ARHGAP44: variants seen among roughly 807,000 people sequenced by gnomAD.
ARHGAP44 encodes Rho GTPase activating protein 44.
A neutral mutation model predicts 106.8 loss-of-function variants in ARHGAP44; 43 were observed. That is an observed-to-expected ratio of 0.40 (90% CI 0.32 to 0.52). The LOEUF (loss-of-function observed/expected upper bound fraction) is 0.52. Among genes scored for constraint, ARHGAP44 ranks in the 20% least tolerant of loss-of-function variants. ARHGAP44 has a pLI of 0.48. For missense variants in ARHGAP44, 866 were observed against 1,050.5 expected (o/e 0.82, Z 2.43); for synonymous variants, 439 against 410.3 (o/e 1.07, Z -0.85).
intron 1 of ARHGAP44, among the ~76,000 whole-genome samples, chr17:12,880,812 A>T (rs190094580): frequency 4.6e-5 from 7 of 152,270 alleles, no homozygotes; most frequent in African/African-American, 1.4e-4. Context: ...TGTCAGATAT[A>T]CAAAATAATG....
At position 12,893,419 on chromosome 17, in the gene ARHGAP44, A is replaced by G. The variant is rs145976068; in HGVS notation, c.54-1521A>G. On this transcript the variant is annotated intron_variant, in intron 1 of 20. Transcript: ENST00000379672. ...CTAGGACTCCTTTGACACCACACCA[A>G]TGGGAAGGTGAAGAGATGCTTCGTT... 2.1e-3 allele frequency among the ~76,000 whole-genome samples: 318 copies of G among 152,318 alleles called. 1 individual carries two copies. Among genetic ancestry groups the G allele is most frequent in the South Asian group, 8.1e-3 (39 of 4,830 alleles).
chr17:12,967,056 TCTC>T (rs1453773185), intron 16 of ARHGAP44, among the ~76,000 whole-genome samples: 1 of 151,694 alleles, frequency 6.6e-6, no homozygotes, highest in South Asian at 2.1e-4. Context: ...TCTTCTTCCT[TCTC>T]CTCCTCCTTC....
At chr17:12,906,926 C>T (rs1204869897) in intron 3 of ARHGAP44, among the ~76,000 whole-genome samples, 2 of 150,800 alleles carry the variant, frequency 1.3e-5, no homozygotes, top group Non-Finnish European at 2.9e-5. Context: ...GGAGATAGGG[C>T]CAGACCTTGT....
chr17:12,928,296 G>A (rs181435598), intron 6 of ARHGAP44, among the ~76,000 whole-genome samples: 3 of 152,338 alleles, frequency 2.0e-5, no homozygotes, highest in Admixed American at 1.3e-4. Context: ...AAGCCAAGAA[G>A]GTGAGGATTT....
chr17:12,849,997 T>C (rs1020853620), intron 1 of ARHGAP44, among the ~76,000 whole-genome samples: 1 of 152,180 alleles, frequency 6.6e-6, no homozygotes, highest in Non-Finnish European at 1.5e-5. Flanking sequence ...AGATTTCCCT[T>C]ATGCTTCACT....
At chr17:12,793,599 TG>T (rs1398145174) in intron 1 of ARHGAP44, among the ~76,000 whole-genome samples, 1 of 151,760 alleles carries the variant, frequency 6.6e-6, no homozygotes, top group Non-Finnish European at 1.5e-5. Context: ...TCCCAGCTAC[TG>T]GGGAGTCTGA....
chr17:12,909,594 A>G (rs990999813), intron 4 of ARHGAP44, among the ~76,000 whole-genome samples: 1 of 152,196 alleles, frequency 6.6e-6, no homozygotes, highest in Non-Finnish European at 1.5e-5. Context: ...TTATACACAA[A>G]TAAATAATTG....
intron 1 of ARHGAP44, among the ~76,000 whole-genome samples, chr17:12,827,122 C>T (rs1001224222): frequency 6.6e-6 from 1 of 152,306 alleles, no homozygotes; most frequent in East Asian, 1.9e-4. Context: ...TTTTTGGTCT[C>T]TGTAACCCTG....
chr17:12,895,336 A>G (rs556177196), intron 2 of ARHGAP44, among the ~76,000 whole-genome samples: 21 of 152,282 alleles, frequency 1.4e-4, no homozygotes, highest in African/African-American at 5.1e-4. Flanking sequence ...TCATTTCACC[A>G]CAGTTAGCCC....
intron 4 of ARHGAP44, among the ~76,000 whole-genome samples, chr17:12,910,446 C>CTTTTTTTT (rs3076662): frequency 3.2e-5 from 3 of 93,524 alleles, no homozygotes; most frequent in African/African-American, 4.2e-5. Context: ...CTTATGTAGC[C>CTTTTTTTT]TTTTTTTTTT....
chr17:12,943,013 T>G (rs2038749161), intron 8 of ARHGAP44, among the ~76,000 whole-genome samples: 1 of 152,246 alleles, frequency 6.6e-6, no homozygotes, highest in Non-Finnish European at 1.5e-5. Context: ...GTATACAAGT[T>G]AATGACATTT....
chr17:12,880,536 C>G (rs73978264), intron 1 of ARHGAP44, among the ~76,000 whole-genome samples: 8,824 of 152,124 alleles, frequency 0.058, 833 homozygotes, highest in African/African-American at 0.2. Context: ...CATTGTACCT[C>G]TAAGAGTCAC....
At position 12,980,002 on chromosome 17, in the gene ARHGAP44, T is replaced by C. The variant is rs1429742979; in HGVS notation, c.1764-56T>C. 3.3e-6 allele frequency: 5 copies of C among 1,513,856 alleles called. No individual in the cohort carries two copies. In the East Asian group the frequency reaches 1.2e-4, roughly 35 times the overall value. 93.8% of individuals were successfully genotyped at this position (1,513,856 alleles called of 1,614,324 possible). On this transcript the variant is annotated intron_variant, in intron 18 of 20. Coordinates refer to ENST00000379672, the MANE Select transcript of ARHGAP44 (RefSeq NM_014859.6). ...ACAGGGTGGCCATCGGCAAGGCTGGTGCTGCCGCTCACTGAGTTCAGGGCT... is the reference window on the plus strand; with the variant it reads ...ACAGGGTGGCCATCGGCAAGGCTGGCGCTGCCGCTCACTGAGTTCAGGGCT...
chr17:12,976,542 G>A (rs899349096), intron 18 of ARHGAP44, among the ~76,000 whole-genome samples: 20 of 151,454 alleles, frequency 1.3e-4, no homozygotes, highest in African/African-American at 4.6e-4. Context: ...GAACCCAGGA[G>A]GCGGAGGTTG....
intron 1 of ARHGAP44, among the ~76,000 whole-genome samples, chr17:12,892,764 TCTGTTCTG>T (rs2037085313): frequency 6.6e-6 from 1 of 151,712 alleles, no homozygotes; most frequent in East Asian, 1.9e-4. Flanking sequence ...ATCTGCCCGC[TCTGTTCTG>T]CTGTTGAACC....
chr17:12,958,787 A>G lies in ARHGAP44; in HGVS notation c.1413A>G (p.Ser471=), dbSNP rs747779701. Residue 471 remains serine, a synonymous_variant, in exon 16 of 21, where the codon TCA becomes TCG. Coordinates refer to ENST00000379672, the MANE Select transcript of ARHGAP44 (RefSeq NM_014859.6). This position sits in a 1 kb window ranked among gnomAD's most constrained non-coding sequence, Gnocchi z 4.1. ...VHVNHNANYS[S]MPSPDMDPAD... is the part of the protein sequence containing the mutation. ...TGAACCATAATGCCAACTACAGCTC[A>G]ATGCCCTCCCCAGACATGGACCCTG... is the stretch of plus-strand genomic sequence containing the variant. 5 of 1,613,466 alleles carry G rather than the reference A, an allele frequency of 3.1e-6. No individual in the cohort carries two copies. The South Asian group carries it at 4.4e-5, about 14-fold the overall frequency.
At chr17:12,914,812 A>AAC (rs1188788677) in intron 4 of ARHGAP44, among the ~76,000 whole-genome samples, 45 of 151,612 alleles carry the variant, frequency 3.0e-4, no homozygotes, top group African/African-American at 1.1e-3. Context: ...AAAAAAAAAA[A>AAC]AACCTCAAAA....
chr17:12,791,737 A>C (rs781016555), intron 1 of ARHGAP44, among the ~76,000 whole-genome samples: 3 of 152,168 alleles, frequency 2.0e-5, no homozygotes, highest in Non-Finnish European at 4.4e-5. Flanking sequence ...TATTGAGAGC[A>C]CGTTCTTGGA....
At chr17:12,867,673 G>A (rs1173165088) in intron 1 of ARHGAP44, among the ~76,000 whole-genome samples, 1 of 152,078 alleles carries the variant, frequency 6.6e-6, no homozygotes, top group African/African-American at 2.4e-5. Flanking sequence ...ATCCTTACAC[G>A]TTACACAGAG....
Sources: allele counts gnomAD v4.1 joint callset (sites outside exome capture counted in the v4.1 genomes callset), GRCh38; gene constraint gnomAD v4.1.1; non-coding constraint Gnocchi (gnomAD v3.1); transcripts MANE v1.5; gene names NCBI Gene and HGNC (gene_info 2026-07-23, HGNC 2026-07-21).